Variants in ALAS1 observed in about 807,000 individuals in gnomAD.
ALAS1 encodes 5'-aminolevulinate synthase 1, also known as 5-aminolevulinate synthase, non-specific, mitochondrial.
Under a neutral mutation model 59.6 loss-of-function variants are expected in ALAS1, and 29 were observed. The ratio of observed to expected loss-of-function variants is 0.49; its 90% CI spans 0.36 to 0.66. The LOEUF (loss-of-function observed/expected upper bound fraction) is 0.66, where lower values mean the gene tolerates loss of function less well. Among genes scored for constraint, ALAS1 ranks in the 30% least tolerant of loss-of-function variants. The pLI is 0.00. For missense variants in ALAS1, 690 were observed against 807.5 expected (o/e 0.85, Z 1.76); for synonymous variants, 299 against 296.6 (o/e 1.01, Z -0.08).
At chr3:52,212,779 C>T (rs749910336) in intron 11 of ALAS1, among the ~76,000 whole-genome samples, 1 of 152,182 alleles carries the variant, frequency 6.6e-6, no homozygotes, top group Non-Finnish European at 1.5e-5. Flanking sequence ...GATCCACCCA[C>T]CTCAGCCTTC....
Position 52,204,816 on chromosome 3 carries a change from A to G in ALAS1, c.701A>G (p.Asp234Gly). ...RRAHIFPMADDYSDSLITKKQ... is the reference protein window; with the variant it reads ...RRAHIFPMADGYSDSLITKKQ... ...GCACACATCTTCCCCATGGCAGATG[A>G]CTATTCAGACTCCCTCATCACCAAA... The change falls in exon 6 of 12, where the codon GAC (aspartate) becomes GGC (glycine). Residue 234 changes from aspartate (D) to glycine (G), a missense_variant. Asp to Gly is a moderately conservative substitution (Grantham distance 94, BLOSUM62 -1). Transcript: ENST00000484952. 1 of 1,614,212 alleles carries G rather than the reference A, an allele frequency of 6.2e-7. No individual in the cohort carries two copies. Among genetic ancestry groups the G allele is most frequent in the Non-Finnish European group, 8.5e-7 (1 of 1,180,034 alleles).
chr3:52,206,631 A>G lies in ALAS1; in HGVS notation c.1045A>G (p.Ser349Gly). Residue 349 changes from serine (S) to glycine (G), a missense_variant, in exon 8 of 12, where the codon AGC becomes GGC. Coordinates refer to ENST00000484952, the MANE Select transcript of ALAS1 (RefSeq NM_000688.6). Reference sequence around the variant, plus strand: ...CTCCATGATCCAAGGGATTCGAAACAGCCGAGTGCCAAAGTACATCTTCCG... The same window carrying G: ...CTCCATGATCCAAGGGATTCGAAACGGCCGAGTGCCAAAGTACATCTTCCG... ...HASMIQGIRNSRVPKYIFRHN... is the reference protein window; with the variant it reads ...HASMIQGIRNGRVPKYIFRHN... The G allele has an allele frequency of 6.2e-7, 1 of 1,614,242 alleles. No homozygotes were observed. Among genetic ancestry groups the G allele is most frequent in the Non-Finnish European group, 8.5e-7 (1 of 1,180,044 alleles).
At chr3:52,199,560 G>A in intron 3 of ALAS1, 120 bp downstream of exon 3, 2 of 941,266 alleles carry the variant, frequency 2.1e-6, no homozygotes, top group Non-Finnish European at 3.2e-6. Flanking sequence ...CTATGTGCAG[G>A]CTGGGCTCTG....
intron 3 of ALAS1, among the ~76,000 whole-genome samples, chr3:52,200,671 G>A (rs1009136455): frequency 7.2e-5 from 11 of 152,182 alleles, no homozygotes; most frequent in Non-Finnish European, 1.3e-4. Flanking sequence ...GGGAGGTAGA[G>A]GTTGCAGTGA....
chr3:52,202,534 AACAG>A lies in ALAS1; in HGVS notation c.230_233del (p.Gln77LeufsTer38). On this transcript the variant is annotated frameshift_variant, in exon 4 of 12. Transcript: ENST00000484952. LOFTEE classifies it high-confidence loss of function. ...GACAAAACTGCTAAGGCCAAGGTCC[AACAG>A]ACTCCTGATGGATCCCAGCAGAGTC... 1 of 1,614,120 alleles carries A rather than the reference AACAG, an allele frequency of 6.2e-7. No homozygotes were observed. Among genetic ancestry groups the A allele is most frequent in the Non-Finnish European group, 8.5e-7 (1 of 1,179,948 alleles).
At chr3:52,198,906 A>G in intron 2 of ALAS1, 58 bp downstream of exon 2, 13 of 1,518,124 alleles carry the variant, frequency 8.6e-6, no homozygotes, top group Non-Finnish European at 1.1e-5. Context: ...CTGGCCTCCC[A>G]AACCTGTTCT....
chr3:52,198,096 C>A (rs541962284), upstream of ALAS1: 67 of 397,812 alleles, frequency 1.7e-4, no homozygotes, highest in African/African-American at 1.2e-3. Context: ...AAGAAGGCAG[C>A]GCCCAAGGCG....
chr3:52,203,735 T>G (rs554100395), intron 4 of ALAS1, 128 bp from the exon 5 acceptor site: 24 of 1,015,026 alleles, frequency 2.4e-5, no homozygotes, highest in Middle Eastern at 2.2e-4. Flanking sequence ...CAGTTATAAC[T>G]AACTTTGGTT....
intron 11 of ALAS1, among the ~76,000 whole-genome samples, chr3:52,213,294 C>T (rs1699450277): frequency 6.6e-6 from 1 of 152,180 alleles, no homozygotes; most frequent in Admixed American, 6.5e-5. Flanking sequence ...CCAAGCCCGC[C>T]CAGCGTGGCT....
intron 3 of ALAS1, 137 bp from the exon 4 acceptor site, chr3:52,202,370 A>C: frequency 2.7e-6 from 2 of 740,030 alleles, no homozygotes; most frequent in Non-Finnish European, 4.5e-6. Flanking sequence ...CAAAACAAAA[A>C]AAACACTTGT....
rs1394407171 is a variant in ALAS1 at position 52,214,294 on chromosome 3, A to G, written c.*114A>G. 44 of 1,005,140 alleles carry G rather than the reference A, an allele frequency of 4.4e-5. No individual in the cohort carries two copies. Among genetic ancestry groups the G allele is most frequent in the Non-Finnish European group, 5.9e-5 (42 of 713,076 alleles). The allele number at this position is 1,005,140 out of a possible 1,614,324, so 62.3% of individuals were successfully genotyped here. A position where few individuals can be genotyped will look rare whatever the true frequency, so the allele number is the denominator to read the frequency against. ...TTAAATTTTAATCTATAGTAAAAAC[A>G]TAGTCCTGGAAATAAATTCTTGCTT... On this transcript the variant is annotated 3_prime_UTR_variant, in exon 12 of 12. Coordinates refer to ENST00000484952, the MANE Select transcript of ALAS1 (RefSeq NM_000688.6).
chr3:52,208,887 A>T (rs1699348088), intron 9 of ALAS1, among the ~76,000 whole-genome samples: 1 of 152,254 alleles, frequency 6.6e-6, no homozygotes, highest in Non-Finnish European at 1.5e-5. Flanking sequence ...GTTATTATAA[A>T]CATTCCCTCT....
intron 4 of ALAS1, 100 bp from the exon 5 acceptor site, chr3:52,203,763 T>C (rs1699237758): frequency 7.3e-7 from 1 of 1,378,792 alleles, no homozygotes; most frequent in Non-Finnish European, 9.7e-7. Flanking sequence ...GCCTTTTTTG[T>C]GAACTAGGCC....
chr3:52,211,751 G>A (rs1699415076), intron 10 of ALAS1, among the ~76,000 whole-genome samples, 200 bp downstream of exon 10: 1 of 152,212 alleles, frequency 6.6e-6, no homozygotes, highest in Non-Finnish European at 1.5e-5. Context: ...CCAGCAGGCT[G>A]GGGCAGAAGT....
rs746235522 is a variant in ALAS1 at position 52,204,708 on chromosome 3, A to G, written c.593A>G (p.Gln198Arg). The change falls in exon 6 of 12, where the codon CAG becomes CGG. Residue 198 changes from glutamine (Q) to arginine (R), a missense_variant. Physicochemically the swap from Gln to Arg is conservative, Grantham distance 43. Transcript: ENST00000484952. ...DNLPKSVSTF[Q>R]YDRFFEKKID... The stretch of plus-strand genomic sequence containing the variant: ...CAATTTTTAGCTGTTTCCACTTTTC[A>G]GTATGATCGTTTCTTTGAGAAAAAA... The G allele has an allele frequency of 4.3e-6, 7 of 1,613,872 alleles. No individual in the cohort carries two copies. In the South Asian group the frequency reaches 7.7e-5, roughly 18 times the overall value.
In ALAS1 at chr3:52,199,424, CCCT is replaced by C; in HGVS notation, c.186_188del (p.Pro63del). On this transcript the variant is annotated inframe_deletion, in exon 3 of 12. Transcript: ENST00000484952. ...TACACTACCAACAGATCAAAGAAAC[CCCT>C]CCGGCCAGTGAGAGTAAGTGTCATT... 1.2e-6 allele frequency: 2 copies of C among 1,613,904 alleles called. No homozygotes were observed. Among genetic ancestry groups the C allele is most frequent in the Non-Finnish European group, 1.7e-6 (2 of 1,179,908 alleles).
At chr3:52,206,492 A>G in intron 7 of ALAS1, 80 bp from the exon 8 acceptor site, 3 of 1,478,798 alleles carry the variant, frequency 2.0e-6, no homozygotes, top group Non-Finnish European at 1.9e-6. Flanking sequence ...ATCATTTCCA[A>G]GGAAAAGTCT....
chr3:52,204,672 T>G, intron 5 of ALAS1, 21 bp from the exon 6 acceptor site: 2 of 1,602,052 alleles, frequency 1.2e-6, no homozygotes, highest in Non-Finnish European at 1.7e-6. Context: ...CATTCTGTAC[T>G]GTCTTTTGTT....
rs1215589952 is a variant in ALAS1 at position 52,214,017 on chromosome 3, CAG to C, written c.1764_1765del. 2 of 1,596,860 alleles carry C rather than the reference CAG, an allele frequency of 1.3e-6. No homozygotes were observed. The highest frequency in any genetic ancestry group is 2.2e-5 in the East Asian group (1 of 44,462). ...TTAATATTTAAAAACTGTTTCTCCT[CAG>C]AGAATCTGCTAGTCACATGGAAGCA... On this transcript the variant is annotated splice_acceptor_variant, in intron 11 of 11. Coordinates refer to ENST00000484952, the MANE Select transcript of ALAS1 (RefSeq NM_000688.6). LOFTEE classifies it high-confidence loss of function.
Sources: allele counts gnomAD v4.1 joint callset (sites outside exome capture counted in the v4.1 genomes callset), GRCh38; gene constraint gnomAD v4.1.1; transcripts MANE v1.5; gene names NCBI Gene and HGNC (gene_info 2026-07-23, HGNC 2026-07-21).